The following KLF3 variants were observed in gnomAD, a reference collection of about 807,000 sequenced individuals.
The protein encoded by KLF3 is Krueppel-like factor 3.
In KLF3, 6 loss-of-function variants were observed where a neutral mutation model predicts 32.7. That is an observed-to-expected ratio of 0.18 (90% CI 0.10 to 0.36). The LOEUF (loss-of-function observed/expected upper bound fraction) is 0.36, where lower values mean the gene tolerates loss of function less well. KLF3 is among the 10% of genes least tolerant of loss of function. The pLI, the probability that KLF3 is intolerant of heterozygous loss-of-function variation, is 1.00. For synonymous variants in KLF3, 145 were observed against 172.8 expected, an observed-to-expected ratio of 0.84 and a Z score of 1.26; for missense variants, 338 against 449.7, an observed-to-expected ratio of 0.75 and a Z score of 2.25.
chr4:38,678,033 T>C (rs1722404304), intron 1 of KLF3, among the ~76,000 whole-genome samples: 1 of 152,150 alleles, frequency 6.6e-6, no homozygotes, highest in Non-Finnish European at 1.5e-5. Context: ...TGCTTGAGTC[T>C]CAAAACCATG....
intron 3 of KLF3, 64 bp from the exon 4 acceptor site, chr4:38,689,665 A>T: frequency 8.3e-7 from 1 of 1,204,356 alleles, no homozygotes; most frequent in Non-Finnish European, 1.2e-6. Flanking sequence ...GCTATGCAGT[A>T]AGCTTTTAAA....
At chr4:38,666,310 C>A (rs1323939182) in intron 1 of KLF3, among the ~76,000 whole-genome samples, 1 of 152,136 alleles carries the variant, frequency 6.6e-6, no homozygotes, top group Non-Finnish European at 1.5e-5. Context: ...TTGTTTTATT[C>A]ACTGCAAAGT....
At chr4:38,694,700 G>A in intron 4 of KLF3, 46 bp from the exon 5 acceptor site, 1 of 1,484,534 alleles carries the variant, frequency 6.7e-7, no homozygotes, top group East Asian at 2.5e-5. Context: ...GATGAAAAAG[G>A]AAGAGCGTGC....
intron 4 of KLF3, 117 bp from the exon 5 acceptor site, chr4:38,694,629 T>C: frequency 1.1e-6 from 1 of 904,904 alleles, no homozygotes; most frequent in Non-Finnish European, 1.6e-6. Context: ...TTTTTGTTTA[T>C]TTTGTTGGGA....
At position 38,698,860 on chromosome 4, in the gene KLF3, G is replaced by A. The variant is rs937941589; in HGVS notation, c.*1597G>A. The A allele has an allele frequency of 5.3e-5, 8 of 152,290 alleles. 2 individuals are homozygous for A. In the East Asian group the frequency reaches 1.5e-3, roughly 29 times the overall value. 9.4% of individuals were successfully genotyped at this position (152,290 alleles called of 1,614,324 possible). A position where few individuals can be genotyped will look rare whatever the true frequency, so the allele number is the denominator to read the frequency against. On this transcript the variant is annotated 3_prime_UTR_variant, in exon 6 of 6. Transcript: ENST00000261438. ...ATATAACCAAATTCCCCTTCATCAA[G>A]AATGGAGGAGAAGAGAGAAGAATGA...
In KLF3 at chr4:38,699,839, T is replaced by C. The variant is rs1270351584; in HGVS notation, c.*2576T>C. 2 of 152,218 alleles carry C rather than the reference T, an allele frequency of 1.3e-5. No individual in the cohort carries two copies. Among genetic ancestry groups the C allele is most frequent in the Non-Finnish European group, 2.9e-5 (2 of 68,038 alleles). The allele number at this position is 152,218 out of a possible 1,614,324, so 9.4% of individuals were successfully genotyped here. On this transcript the variant is annotated 3_prime_UTR_variant, in exon 6 of 6. Coordinates refer to ENST00000261438, the MANE Select transcript of KLF3 (RefSeq NM_016531.6). ...TCTTATATATATATTTGTATTTTAC[T>C]ATGATAGTTGAGAAATTTAGCCTCT...
At position 38,700,301 on chromosome 4, in the gene KLF3, C is replaced by G. The variant is rs1269632247; in HGVS notation, c.*3038C>G. 1.3e-5 allele frequency: 2 copies of G among 152,192 alleles called. No homozygotes were observed. The highest frequency in any genetic ancestry group is 2.9e-5 in the Non-Finnish European group (2 of 68,028). 9.4% of individuals were successfully genotyped at this position (152,192 alleles called of 1,614,324 possible). A position where few individuals can be genotyped will look rare whatever the true frequency, so the allele number is the denominator to read the frequency against. On this transcript the variant is annotated 3_prime_UTR_variant, in exon 6 of 6. Transcript: ENST00000261438. ...TTTATTAAACACCCATCTGCACTAT[C>G]AGTATTGCACTAATGTGGAATTTGA...
rs746543079 is a variant in KLF3, at chr4:38,688,740, A to T, written c.213A>T (p.Ser71=). ...PVDLTVNKRS[S]PPSAGNSPSS... Reference sequence around the variant, plus strand: ...ACCTCACGGTGAACAAGCGGAGTTCACCCCCTTCGGCTGGGAATTCGCCCT... The same window carrying T: ...ACCTCACGGTGAACAAGCGGAGTTCTCCCCCTTCGGCTGGGAATTCGCCCT... The change falls in exon 3 of 6, where the codon TCA becomes TCT. Residue 71 remains serine (S), a synonymous_variant. Transcript: ENST00000261438. The surrounding 1 kb of genome is among the most constrained non-coding windows in gnomAD (Gnocchi z 4.9). 2 of 1,613,730 alleles carry T rather than the reference A, an allele frequency of 1.2e-6. No individual in the cohort carries two copies. Among genetic ancestry groups the T allele is most frequent in the African/African-American group, 2.7e-5 (2 of 74,782 alleles).
At chr4:38,686,605 C>T (rs532824383) in intron 2 of KLF3, among the ~76,000 whole-genome samples, 1 of 152,062 alleles carries the variant, frequency 6.6e-6, no homozygotes, top group African/African-American at 2.4e-5. Flanking sequence ...TGCATTTTAA[C>T]GAGTGCTCCA....
intron 2 of KLF3, 90 bp downstream of exon 2, chr4:38,680,772 C>T (rs376574389): frequency 6.7e-5 from 70 of 1,050,590 alleles, no homozygotes; most frequent in East Asian, 5.1e-4. Context: ...AAATCATGGC[C>T]GGGCGTGGTG....
intron 5 of KLF3, 91 bp from the exon 6 acceptor site, chr4:38,696,991 T>A: frequency 1.9e-6 from 2 of 1,060,732 alleles, no homozygotes; most frequent in South Asian, 3.3e-5. Flanking sequence ...TATGAACATA[T>A]CTTGGAAATA....
chr4:38,689,634 A>G (rs1238508530), intron 3 of KLF3, 95 bp from the exon 4 acceptor site: 1 of 854,396 alleles, frequency 1.2e-6, no homozygotes, highest in African/African-American at 1.7e-5. Context: ...TAAACCTGTC[A>G]TATCTGTGTT....
chr4:38,683,069 G>T (rs1357483631), intron 2 of KLF3, among the ~76,000 whole-genome samples: 1 of 152,100 alleles, frequency 6.6e-6, no homozygotes, highest in Non-Finnish European at 1.5e-5. Flanking sequence ...ACTCTTAAGT[G>T]TTCAAATTTC....
At position 38,688,621 on chromosome 4, in the gene KLF3, A is replaced by G. The variant is rs760301740; in HGVS notation, c.94A>G (p.Asn32Asp). The G allele has an allele frequency of 6.2e-7, 1 of 1,611,602 alleles. No homozygotes were observed. The highest frequency in any genetic ancestry group is 2.2e-5 in the East Asian group (1 of 44,794). Residue 32 changes from asparagine to aspartate, a missense_variant, in exon 3 of 6, where the codon AAC becomes GAC. This residue lies in a region of KLF3 where 272 missense variants were observed against 313.4 expected (regional missense o/e 0.87). Transcript: ENST00000261438. This position sits in a 1 kb window ranked among gnomAD's most constrained non-coding sequence, Gnocchi z 4.9. ...PSNYMESMKP[N>D]KYGVIYSTPL... ...TAATTACATGGAATCCATGAAGCCT[A>G]ACAAGTATGGGGTCATCTACTCCAC...
chr4:38,672,589 G>A (rs1254524583), intron 1 of KLF3, among the ~76,000 whole-genome samples: 1 of 152,188 alleles, frequency 6.6e-6, no homozygotes, highest in Admixed American at 6.5e-5. Context: ...AGGCCTGGGG[G>A]TGGGCAGGGC....
In KLF3 at chr4:38,688,878, C is replaced by T. The variant is rs531970339; in HGVS notation, c.351C>T (p.Phe117=). 85 of 1,614,236 alleles carry T rather than the reference C, an allele frequency of 5.3e-5. 1 individual carries two copies. Among genetic ancestry groups the T allele is most frequent in the Middle Eastern group, 3.3e-4 (2 of 6,062 alleles). ...YSPPSPGVQP[F]GVPLSMPPVM... ...CCCCTTCTCCAGGCGTGCAGCCCTT[C>T]GGCGTGCCGCTGTCCATGCCACCAG... is the stretch of plus-strand genomic sequence containing the variant. The change falls in exon 3 of 6, where the codon TTC becomes TTT. Residue 117 remains phenylalanine (F), a synonymous_variant. Transcript: ENST00000261438. The surrounding 1 kb of genome is among the most constrained non-coding windows in gnomAD (Gnocchi z 4.9).
chr4:38,678,848 A>G (rs1722432716), intron 1 of KLF3, among the ~76,000 whole-genome samples: 1 of 152,176 alleles, frequency 6.6e-6, no homozygotes, highest in Non-Finnish European at 1.5e-5. Flanking sequence ...ATCTATGAAG[A>G]CCTTACCTCT....
rs1723188647 is a variant in KLF3, at chr4:38,701,443, ACT to A, written c.*4184_*4185del. Among the ~76,000 whole-genome samples the A allele has an allele frequency of 6.6e-6, 1 of 152,158 alleles. No homozygotes were observed. Among genetic ancestry groups the A allele is most frequent in the South Asian group, 2.1e-4 (1 of 4,826 alleles). On this transcript the variant is annotated 3_prime_UTR_variant, in exon 6 of 6. Coordinates refer to ENST00000261438, the MANE Select transcript of KLF3 (RefSeq NM_016531.6). Reference sequence around the variant, plus strand: ...TAAACTTTTAGAGTAAAATATCAAGACTCTCATGTTGGGGAGTGGGGAACGAG... The same window carrying A: ...TAAACTTTTAGAGTAAAATATCAAGACTCATGTTGGGGAGTGGGGAACGAG...
At chr4:38,691,374 C>A (rs1722873306) in intron 4 of KLF3, among the ~76,000 whole-genome samples, 1 of 152,044 alleles carries the variant, frequency 6.6e-6, no homozygotes, top group African/African-American at 2.4e-5. Flanking sequence ...GGAATTAACT[C>A]TTTTTTTATG....
Sources: allele counts gnomAD v4.1 joint callset (sites outside exome capture counted in the v4.1 genomes callset), GRCh38; gene constraint gnomAD v4.1.1; regional missense constraint gnomAD v4.1.1; non-coding constraint Gnocchi (gnomAD v3.1); transcripts MANE v1.5; gene names NCBI Gene and HGNC (gene_info 2026-07-23, HGNC 2026-07-21).